Variants in PCNX2 observed in about 807,000 individuals in gnomAD.
The protein encoded by PCNX2 is pecanex-like protein 2.
PCNX2 carries 168 observed loss-of-function variants against 223.8 expected under a neutral mutation model. The ratio of observed to expected loss-of-function variants is 0.75; its 90% CI spans 0.66 to 0.85. The LOEUF (loss-of-function observed/expected upper bound fraction) is 0.85, where lower values mean the gene tolerates loss of function less well. PCNX2 is among the 40% of genes least tolerant of loss of function. The probability of loss-of-function intolerance (pLI) is 0.00; values close to 1 mark genes in which losing one functional copy is unlikely to be tolerated. For synonymous variants in PCNX2, 1,006 were observed against 1,052.6 expected (o/e 0.96, Z 0.86); for missense variants, 2,507 against 2,675.5 (o/e 0.94, Z 1.39).
intron 25 of PCNX2, among the ~76,000 whole-genome samples, chr1:233,050,579 G>T (rs190601907): frequency 6.6e-6 from 1 of 152,250 alleles, no homozygotes; most frequent in East Asian, 1.9e-4. Context: ...ATAAGCAATG[G>T]GGAAAGGGCT....
chr1:233,075,516 T>C (rs985106918), intron 23 of PCNX2, among the ~76,000 whole-genome samples: 1 of 152,166 alleles, frequency 6.6e-6, no homozygotes, highest in Non-Finnish European at 1.5e-5. Flanking sequence ...TTTGTTTGTT[T>C]GTTACGTGTC....
intron 9 of PCNX2, among the ~76,000 whole-genome samples, chr1:233,235,957 A>AAAATATATATAT (rs369886650): frequency 0.025 from 2,318 of 92,876 alleles, 56 homozygotes; most frequent in Non-Finnish European, 0.039. Flanking sequence ...CATAAAAAAA[A>AAAATATATATAT]ATATATATAT....
At chr1:233,102,087 CTT>C (rs201107797) in intron 21 of PCNX2, among the ~76,000 whole-genome samples, 24 of 125,000 alleles carry the variant, frequency 1.9e-4, no homozygotes, top group Non-Finnish European at 2.1e-4. Flanking sequence ...ATTCATTTTT[CTT>C]TTTTTTTTTT....
intron 21 of PCNX2, among the ~76,000 whole-genome samples, chr1:233,098,139 T>C (rs1446788393): frequency 1.3e-5 from 2 of 152,312 alleles, no homozygotes; most frequent in South Asian, 2.1e-4. Context: ...TGCCCCCAAA[T>C]GCCCTAAAAA....
Position 233,218,040 on chromosome 1 carries a change from G to A in PCNX2, c.2649C>T (p.Ser883=), listed in dbSNP as rs774850682. The stretch of plus-strand genomic sequence containing the variant: ...TTAGATGTGGTCTTGCCTTTAGCAG[G>A]GAGTACTGGCAGCTGGCCATGACGA... ...FCLVMASCQY[S]LLKSVQPDPA... Residue 883 remains serine, a synonymous_variant, in exon 11 of 34, where the codon TCC becomes TCT. Transcript: ENST00000258229. 6.2e-7 allele frequency: 1 copy of A among 1,608,178 alleles called. No homozygotes were observed. The highest frequency in any genetic ancestry group is 1.1e-5 in the South Asian group (1 of 89,826).
At chr1:233,052,902 G>A (rs2102873939) in intron 25 of PCNX2, among the ~76,000 whole-genome samples, 1 of 151,988 alleles carries the variant, frequency 6.6e-6, no homozygotes, top group African/African-American at 2.4e-5. Context: ...GGCACACAGA[G>A]CCTCCCCTCT....
At chr1:233,141,143 A>G (rs1677086580) in intron 19 of PCNX2, among the ~76,000 whole-genome samples, 1 of 152,232 alleles carries the variant, frequency 6.6e-6, no homozygotes, top group Admixed American at 6.5e-5. Context: ...AAAAAGTTCA[A>G]GCTGACAAAA....
intron 19 of PCNX2, among the ~76,000 whole-genome samples, chr1:233,152,419 T>C (rs989271844): frequency 6.6e-6 from 1 of 152,180 alleles, no homozygotes. Flanking sequence ...ATCTTTCTTA[T>C]GTGGGGAAAA....
chr1:232,986,242 G>A lies in PCNX2; in HGVS notation c.6090C>T (p.Ser2030=), dbSNP rs1418425573. 6.4e-7 allele frequency: 1 copy of A among 1,560,440 alleles called. No individual in the cohort carries two copies. The highest frequency in any genetic ancestry group is 8.7e-7 in the Non-Finnish European group (1 of 1,152,294). The change falls in exon 33 of 34, where the codon AGC becomes AGT. Residue 2030 remains serine, a synonymous_variant. Coordinates refer to ENST00000258229, the MANE Select transcript of PCNX2 (RefSeq NM_014801.4). ...AAAAGCTCCTCTTGCCGAAGAGGAAGCTCAGGGTGGAGCTGGTGGAGGAGC... is the reference window on the plus strand; with the variant it reads ...AAAAGCTCCTCTTGCCGAAGAGGAAACTCAGGGTGGAGCTGGTGGAGGAGC... ...SLGSSTSSTL[S]FLFGKRSFSS... is the part of the protein sequence containing the mutation.
At chr1:233,074,468 G>C (rs892948385) in intron 23 of PCNX2, among the ~76,000 whole-genome samples, 2 of 150,460 alleles carry the variant, frequency 1.3e-5, no homozygotes, top group Non-Finnish European at 3.0e-5. Flanking sequence ...AGTGGCGGGC[G>C]CCTGTAGTCC....
At chr1:232,999,724 T>C in intron 30 of PCNX2, 1 of 244,876 alleles carries the variant, frequency 4.1e-6, no homozygotes, top group Non-Finnish European at 8.0e-6. Context: ...TATTGGTTTT[T>C]AACTACAATG....
chr1:233,225,110 TAAA>T (rs71173259), intron 10 of PCNX2, among the ~76,000 whole-genome samples: 10 of 42,218 alleles, frequency 2.4e-4, no homozygotes, highest in African/African-American at 8.9e-4. Flanking sequence ...AGAACTAAAG[TAAA>T]AAAAAAAAAA....
At chr1:233,078,939 C>A (rs1673221352) in intron 23 of PCNX2, among the ~76,000 whole-genome samples, 1 of 152,142 alleles carries the variant, frequency 6.6e-6, no homozygotes, top group South Asian at 2.1e-4. Context: ...CTTCATCCGT[C>A]AGCAAAACAG....
At chr1:233,250,892 C>G in intron 7 of PCNX2, 60 bp from the exon 8 acceptor site, 1 of 1,482,384 alleles carries the variant, frequency 6.7e-7, no homozygotes, top group South Asian at 1.3e-5. Flanking sequence ...AGAATCGTTT[C>G]AACTTATACA....
rs968243201 is a variant in PCNX2, at chr1:233,288,428, T to C, written c.153+6898A>G. Reference sequence around the variant, plus strand: ...GACATAAGTTTAACTACTAGAAAATTTGTCATGAACTTGTAATACCAGAAT... The same window carrying C: ...GACATAAGTTTAACTACTAGAAAATCTGTCATGAACTTGTAATACCAGAAT... On this transcript the variant is annotated intron_variant, in intron 1 of 33. Coordinates refer to ENST00000258229, the MANE Select transcript of PCNX2 (RefSeq NM_014801.4). Among the ~76,000 whole-genome samples, 3 of 151,962 alleles carry C rather than the reference T, an allele frequency of 2.0e-5. No individual in the cohort carries two copies. In the South Asian group the frequency reaches 6.2e-4, roughly 32 times the overall value.
At chr1:233,033,027 A>G (rs1671324597) in intron 25 of PCNX2, 1 of 985,320 alleles carries the variant, frequency 1.0e-6, no homozygotes, top group African/African-American at 1.7e-5. Context: ...AGAAGGTTCA[A>G]AGCATATTCC....
intron 1 of PCNX2, among the ~76,000 whole-genome samples, chr1:233,276,030 AAAAAAAAAG>A (rs1558417376): frequency 6.7e-6 from 1 of 149,928 alleles, no homozygotes; most frequent in Non-Finnish European, 1.5e-5. Context: ...ACTGTCTCCA[AAAAAAAAAG>A]AAAAAATAGA....
rs377111420 is a variant in PCNX2, at chr1:232,998,317, C to T, written c.5725G>A (p.Ala1909Thr). ...APSGGSQESS[A>T]EQPRKGGAQH... The stretch of plus-strand genomic sequence containing the variant: ...GCACCGCCTTTTCTGGGCTGTTCTG[C>T]GCTGCTCTCCTGGCTGCCACCACTC... The change falls in exon 32 of 34, where the codon GCA (alanine) becomes ACA (threonine). Residue 1909 changes from alanine (A) to threonine (T), a missense_variant. By Grantham distance (58) the Ala-to-Thr change is moderately conservative. Coordinates refer to ENST00000258229, the MANE Select transcript of PCNX2 (RefSeq NM_014801.4). 73 of 1,612,828 alleles carry T rather than the reference C, an allele frequency of 4.5e-5. No individual in the cohort carries two copies. The highest frequency in any genetic ancestry group is 5.1e-5 in the Non-Finnish European group (60 of 1,179,504).
chr1:233,218,003 T>C (rs748537161), intron 11 of PCNX2, 28 bp downstream of exon 11: 2 of 1,612,432 alleles, frequency 1.2e-6, no homozygotes, highest in Non-Finnish European at 1.7e-6. Context: ...CAGCACACGC[T>C]ACTGGTAAGA....
Sources: allele counts gnomAD v4.1 joint callset (sites outside exome capture counted in the v4.1 genomes callset), GRCh38; gene constraint gnomAD v4.1.1; transcripts MANE v1.5; gene names NCBI Gene and HGNC (gene_info 2026-07-23, HGNC 2026-07-21).